The following RNF17 variants were observed in gnomAD, a reference collection of about 807,000 sequenced individuals.
RNF17 encodes the protein spermatogenesis associated 23.
RNF17 carries 31 observed loss-of-function variants against 200.5 expected under a neutral mutation model. The observed-to-expected ratio is 0.15, with a 90% confidence interval of 0.12 to 0.21. RNF17 has a LOEUF of 0.21. Among genes scored for constraint, RNF17 ranks in the 10% least tolerant of loss-of-function variants. RNF17 has a pLI of 1.00. For missense variants in RNF17, 1,628 were observed against 1,905.1 expected (o/e 0.85, Z 2.71); for synonymous variants, 606 against 637.8 (o/e 0.95, Z 0.75).
intron 15 of RNF17, among the ~76,000 whole-genome samples, chr13:24,812,046 G>C (rs1360109017): frequency 6.6e-6 from 1 of 151,748 alleles, no homozygotes; most frequent in Non-Finnish European, 1.5e-5. Context: ...TCTCTTCAAA[G>C]CTGTCAGACA....
intron 10 of RNF17, 149 bp from the exon 11 acceptor site, chr13:24,795,988 C>A: frequency 2.1e-6 from 1 of 471,082 alleles, no homozygotes; most frequent in East Asian, 3.3e-5. Flanking sequence ...TCATTTAGGG[C>A]TTGCACTACT....
At chr13:24,838,449 C>T (rs1890243940) in intron 18 of RNF17, among the ~76,000 whole-genome samples, 1 of 152,118 alleles carries the variant, frequency 6.6e-6, no homozygotes, top group East Asian at 1.9e-4. Flanking sequence ...TACTAGCTAA[C>T]CGAATCCAAC....
the RNF17 span, among the ~76,000 whole-genome samples, chr13:24,755,594 A>G: frequency 3.9e-5 from 6 of 152,134 alleles, no homozygotes; most frequent in African/African-American, 1.4e-4. Context: ...ATTCACCCGG[A>G]TAGAGTTTTG....
intron 25 of RNF17, among the ~76,000 whole-genome samples, chr13:24,856,913 C>A (rs1293145294): frequency 6.6e-6 from 1 of 152,138 alleles, no homozygotes; most frequent in African/African-American, 2.4e-5. Context: ...GTGGGAGACA[C>A]TGTGTTCAAA....
At chr13:24,874,088 T>C in intron 32 of RNF17, 26 bp from the exon 33 acceptor site, 1 of 1,602,418 alleles carries the variant, frequency 6.2e-7, no homozygotes, top group Non-Finnish European at 8.5e-7. Flanking sequence ...GACAATATGA[T>C]TTTTTCCCTT....
At chr13:24,862,614 G>C (rs1320419879) in intron 27 of RNF17, 99 bp from the exon 28 acceptor site, 2 of 716,116 alleles carry the variant, frequency 2.8e-6, no homozygotes, top group African/African-American at 1.7e-5. Flanking sequence ...ACTACTATCT[G>C]ATATTATTTG....
At chr13:24,850,481 T>C in intron 23 of RNF17, 38 bp downstream of exon 23, 1 of 1,235,570 alleles carries the variant, frequency 8.1e-7, no homozygotes, top group Non-Finnish European at 1.2e-6. Flanking sequence ...ATGATCTCAT[T>C]AATGTTTCCA....
intron 3 of RNF17, among the ~76,000 whole-genome samples, chr13:24,777,298 A>C (rs11149212): frequency 0.12 from 18,872 of 152,234 alleles, 1,283 homozygotes; most frequent in Admixed American, 0.15. Flanking sequence ...TAAACATCAT[A>C]TTTTCCCCAT....
intron 2 of RNF17, among the ~76,000 whole-genome samples, chr13:24,772,426 A>ATTT (rs34066913): frequency 1.8e-4 from 19 of 106,010 alleles, no homozygotes; most frequent in South Asian, 3.3e-4. Context: ...TTGAGTCTCC[A>ATTT]TTTTTTTTTT....
At chr13:24,846,655 T>G (rs1302278681) in intron 22 of RNF17, among the ~76,000 whole-genome samples, 1 of 152,142 alleles carries the variant, frequency 6.6e-6, no homozygotes, top group Non-Finnish European at 1.5e-5. Flanking sequence ...ATTATTGTCT[T>G]GGGCCACACA....
At chr13:24,803,563 C>T (rs1823619) in intron 14 of RNF17, among the ~76,000 whole-genome samples, 33,977 of 152,074 alleles carry the variant, frequency 0.22, 4,327 homozygotes, top group East Asian at 0.4. Context: ...GGATTACAGG[C>T]GTGAGCCACA....
the RNF17 span, among the ~76,000 whole-genome samples, chr13:24,756,231 A>T: frequency 6.6e-6 from 1 of 152,182 alleles, no homozygotes; most frequent in Non-Finnish European, 1.5e-5. Flanking sequence ...GGCAGACATT[A>T]TTAGCTAACT....
chr13:24,822,542 C>T (rs1452144037), intron 15 of RNF17, among the ~76,000 whole-genome samples: 1 of 152,066 alleles, frequency 6.6e-6, no homozygotes, highest in African/African-American at 2.4e-5. Context: ...CTGGCTCAGC[C>T]TCCCAAGTAG....
chr13:24,868,314 C>CA (rs1336295383), intron 30 of RNF17, among the ~76,000 whole-genome samples: 5 of 143,624 alleles, frequency 3.5e-5, no homozygotes, highest in Non-Finnish European at 3.0e-5. Context: ...ACTAAAAATA[C>CA]AAAAAATTAG....
At chr13:24,883,681 G>GTGTT (rs1240692031), downstream of RNF17, among the ~76,000 whole-genome samples, 24 of 152,296 alleles carry the variant, frequency 1.6e-4, no homozygotes, top group African/African-American at 4.6e-4. Context: ...AACCATCTGA[G>GTGTT]TGTTTGTTTG....
chr13:24,814,722 T>TA (rs1213203193), intron 15 of RNF17, among the ~76,000 whole-genome samples: 1 of 152,242 alleles, frequency 6.6e-6, no homozygotes, highest in African/African-American at 2.4e-5. Context: ...TATCTGTCCT[T>TA]ATGTCAGTAC....
At chr13:24,837,010 T>G (rs1219990178) in intron 18 of RNF17, among the ~76,000 whole-genome samples, 1 of 150,522 alleles carries the variant, frequency 6.6e-6, no homozygotes, top group Non-Finnish European at 1.5e-5. Flanking sequence ...TCACATAAAC[T>G]TGAACTAAAG....
intron 6 of RNF17, among the ~76,000 whole-genome samples, chr13:24,783,373 C>T (rs944107364): frequency 6.6e-6 from 1 of 152,142 alleles, no homozygotes; most frequent in African/African-American, 2.4e-5. Flanking sequence ...CTCAGGGTCT[C>T]TTAAGATTTC....
At chr13:24,876,047 T>G (rs1894821784) in intron 33 of RNF17, among the ~76,000 whole-genome samples, 1 of 152,168 alleles carries the variant, frequency 6.6e-6, no homozygotes, top group African/African-American at 2.4e-5. Context: ...CTAACTTGTT[T>G]TTTGTTTCCT....
Sources: allele counts gnomAD v4.1 joint callset (sites outside exome capture counted in the v4.1 genomes callset), GRCh38; gene constraint gnomAD v4.1.1; transcripts MANE v1.5; gene names NCBI Gene and HGNC (gene_info 2026-07-23, HGNC 2026-07-21).